The following FRY variants were observed in gnomAD, a reference collection of about 807,000 sequenced individuals.
FRY encodes the protein FRY microtubule binding protein, also known as protein furry homolog.
In FRY, 128 loss-of-function variants were observed where a neutral mutation model predicts 348.4. The observed-to-expected ratio is 0.37, with a 90% confidence interval of 0.32 to 0.43. The LOEUF (loss-of-function observed/expected upper bound fraction) is 0.43, where lower values mean the gene tolerates loss of function less well. Among genes scored for constraint, FRY ranks in the 20% least tolerant of loss-of-function variants. FRY has a pLI of 1.00. For missense variants in FRY, 2,736 were observed against 3,695.2 expected (o/e 0.74, Z 6.73); for synonymous variants, 1,370 against 1,374.7 (o/e 1.00, Z 0.08).
chr13:32,283,599 A>G (rs887117951), intron 58 of FRY, among the ~76,000 whole-genome samples: 1 of 152,250 alleles, frequency 6.6e-6, no homozygotes, highest in Non-Finnish European at 1.5e-5. Context: ...GCGCATGTTC[A>G]AAACAAACCA....
chr13:32,137,585 G>C (rs1341023007), intron 11 of FRY, among the ~76,000 whole-genome samples: 1 of 152,208 alleles, frequency 6.6e-6, no homozygotes, highest in Non-Finnish European at 1.5e-5. Flanking sequence ...CAGGTGCTGG[G>C]TCTTTAAAAT....
rs531030751 is a variant in FRY, at chr13:32,156,913, C to T, written c.1652-360C>T. Among the ~76,000 whole-genome samples, 3 of 152,222 alleles carry T rather than the reference C, an allele frequency of 2.0e-5. No homozygotes were observed. In the East Asian group the frequency reaches 5.8e-4, roughly 29 times the overall value. On this transcript the variant is annotated intron_variant, in intron 15 of 60. Transcript: ENST00000542859. ...GTCCTAACCCCCAATGAGAATTATT[C>T]TTTATTTACATAATCACTAATGATG...
rs74044948 is a variant in FRY at position 32,239,307 on chromosome 13, T to C, written c.6474T>C (p.Asn2158=). ...LLPQLIQHFE[N]PNQFCKDIAE... ...CTCAGCTGATTCAGCATTTTGAAAA[T>C]CCCAATCAGTTCTGTAAGGATATAG... Residue 2158 remains asparagine, a synonymous_variant, in exon 45 of 61, where the codon AAT becomes AAC. Transcript: ENST00000542859. The surrounding 1 kb of genome is among the most constrained non-coding windows in gnomAD (Gnocchi z 4.3). The C allele has an allele frequency of 5.1e-4, 821 of 1,611,838 alleles. 3 individuals carry two copies. In the African/African-American group the frequency reaches 9.4e-3, roughly 19 times the overall value.
rs1438420033 is a variant in FRY at position 32,278,681 on chromosome 13, A to G, written c.8469+133A>G. On this transcript the variant is annotated intron_variant, in intron 58 of 60. Coordinates refer to ENST00000542859, the MANE Select transcript of FRY (RefSeq NM_023037.3). ...CACCCCAAACATTTACATGAAACCA[A>G]CAGAGTAAGACAGAATGCCTTCCAG... 5 of 754,108 alleles carry G rather than the reference A, an allele frequency of 6.6e-6. No homozygotes were observed. In the East Asian group the frequency reaches 1.0e-4, roughly 15 times the overall value. The allele number at this position is 754,108 out of a possible 1,614,324, so 46.7% of individuals were successfully genotyped here. A position where few individuals can be genotyped will look rare whatever the true frequency, so the allele number is the denominator to read the frequency against.
chr13:32,230,927 T>A (rs1437562003), intron 40 of FRY, among the ~76,000 whole-genome samples: 1 of 152,248 alleles, frequency 6.6e-6, no homozygotes, highest in Non-Finnish European at 1.5e-5. Context: ...GAGCTTTTTT[T>A]ATATAATTGT....
intron 35 of FRY, among the ~76,000 whole-genome samples, chr13:32,216,515 G>A (rs1343243487): frequency 6.6e-6 from 1 of 152,166 alleles, no homozygotes; most frequent in African/African-American, 2.4e-5. Context: ...GGCCCTCCAG[G>A]GCACAATTTA....
intron 28 of FRY, among the ~76,000 whole-genome samples, chr13:32,192,720 A>C (rs951902285): frequency 6.6e-6 from 1 of 150,470 alleles, no homozygotes; most frequent in African/African-American, 2.4e-5. Context: ...CAACTTTAAG[A>C]AGAGGCACCA....
chr13:32,093,906 TG>T (rs569623534), intron 2 of FRY, among the ~76,000 whole-genome samples: 21 of 152,234 alleles, frequency 1.4e-4, no homozygotes, highest in Admixed American at 2.6e-4. Context: ...TAAATAAAAT[TG>T]TACCAAAATA....
chr13:32,050,073 A>C (rs1402922542), intron 1 of FRY, among the ~76,000 whole-genome samples: 2 of 152,236 alleles, frequency 1.3e-5, no homozygotes, highest in East Asian at 3.8e-4. Context: ...TGCTATGTAA[A>C]GCCCCTATAC....
intron 14 of FRY, among the ~76,000 whole-genome samples, chr13:32,150,992 AG>A (rs1213851663): frequency 2.6e-5 from 4 of 152,136 alleles, no homozygotes; most frequent in Admixed American, 2.0e-4. Context: ...GGCCAATGGG[AG>A]GGGGCAGGGC....
intron 2 of FRY, among the ~76,000 whole-genome samples, chr13:32,089,253 C>T (rs1461978384): frequency 2.0e-5 from 3 of 152,180 alleles, no homozygotes; most frequent in Non-Finnish European, 4.4e-5. Flanking sequence ...CTGTTGCTTA[C>T]ATACATATCT....
intron 14 of FRY, among the ~76,000 whole-genome samples, chr13:32,152,202 C>T (rs1880839061): frequency 6.6e-6 from 1 of 152,170 alleles, no homozygotes; most frequent in Non-Finnish European, 1.5e-5. Flanking sequence ...GTAGATTAAA[C>T]TGTAATCTCA....
chr13:32,033,508 C>A (rs1383008033), intron 1 of FRY, among the ~76,000 whole-genome samples: 1 of 152,192 alleles, frequency 6.6e-6, no homozygotes, highest in African/African-American at 2.4e-5. Flanking sequence ...ATTTTCAAAT[C>A]ACTCTAGATA....
rs149435275 is a variant in FRY, at chr13:32,256,928, T to C, written c.7416+2534T>C. Among the ~76,000 whole-genome samples, 417 of 152,342 alleles carry C rather than the reference T, an allele frequency of 2.7e-3. 12 individuals carry two copies. Among genetic ancestry groups the C allele is most frequent in the Admixed American group, 0.025 (378 of 15,300 alleles). ...CTGAAAGATTCCACATCTGACCTCA[T>C]GTTACAGGTCATAGTCAAAATGCAG... On this transcript the variant is annotated intron_variant, in intron 51 of 60. Coordinates refer to ENST00000542859, the MANE Select transcript of FRY (RefSeq NM_023037.3).
chr13:32,228,525 C>T lies in FRY; in HGVS notation c.5276C>T (p.Thr1759Ile). Residue 1759 changes from threonine to isoleucine, a missense_variant, in exon 40 of 61, where the codon ACC becomes ATC. Thr to Ile is a moderately conservative substitution (Grantham distance 89). Transcript: ENST00000542859. Reference protein sequence around the residue: ...VPDSGLSSSSTSSSISLGGSS... With the variant: ...VPDSGLSSSSISSSISLGGSS... Reference sequence around the variant, plus strand: ...GACTCAGGGCTTAGTTCAAGCTCCACCTCCTCTAGCATCAGTCTGGGAGGC... The same window carrying T: ...GACTCAGGGCTTAGTTCAAGCTCCATCTCCTCTAGCATCAGTCTGGGAGGC... 1.9e-6 allele frequency: 3 copies of T among 1,613,786 alleles called. No individual in the cohort carries two copies. The highest frequency in any genetic ancestry group is 2.5e-6 in the Non-Finnish European group (3 of 1,179,870).
At chr13:32,270,805 C>T (rs1186109914) in intron 55 of FRY, among the ~76,000 whole-genome samples, 3 of 152,210 alleles carry the variant, frequency 2.0e-5, no homozygotes, top group Non-Finnish European at 4.4e-5. Context: ...ATGATAATAA[C>T]TTGTTTTGGT....
rs117906720 is a variant in FRY, at chr13:32,269,351, C to A, written c.8136+1992C>A. ...AGCAGGTTGCTGTACATTGCAATTT[C>A]TTTTTATGGTATGGGAAGGTGCCTC... On this transcript the variant is annotated intron_variant, in intron 55 of 60. Transcript: ENST00000542859. Among the ~76,000 whole-genome samples the A allele has an allele frequency of 4.5e-3, 683 of 152,230 alleles. 2 individuals carry two copies. The highest frequency in any genetic ancestry group is 6.9e-3 in the Non-Finnish European group (470 of 67,996).
chr13:32,264,756 A>G (rs1175900545), intron 53 of FRY, among the ~76,000 whole-genome samples: 3 of 152,156 alleles, frequency 2.0e-5, no homozygotes, highest in South Asian at 2.1e-4. Flanking sequence ...GCAGATACTC[A>G]TATCTGTTAT....
chr13:32,246,539 C>G (rs991481439), intron 47 of FRY, among the ~76,000 whole-genome samples: 4 of 152,220 alleles, frequency 2.6e-5, no homozygotes, highest in African/African-American at 9.6e-5. Context: ...GGAGATGACC[C>G]TTGCAGGCCA....
Sources: gnomAD v4.1 joint callset for allele counts (sites outside exome capture counted in the v4.1 genomes callset) on GRCh38, gnomAD v4.1.1 for gene constraint, Gnocchi (gnomAD v3.1) non-coding constraint, MANE v1.5 for transcripts, NCBI Gene and HGNC (gene_info 2026-07-23, HGNC 2026-07-21) for gene names.